The following CLMN variants were observed in gnomAD, a reference collection of about 807,000 sequenced individuals.
CLMN encodes the protein calmin.
CLMN carries 57 observed loss-of-function variants against 92.7 expected under a neutral mutation model. The observed-to-expected ratio is 0.61, with a 90% CI of 0.50 to 0.77. The LOEUF is 0.77. CLMN is among the 30% of genes least tolerant of loss of function. The probability of loss-of-function intolerance (pLI) is 0.00; values close to 1 mark genes in which losing one functional copy is unlikely to be tolerated. For synonymous variants in CLMN, 466 were observed against 470.6 expected (o/e 0.99, Z 0.13); for missense variants, 1,158 against 1,237.5 (o/e 0.94, Z 0.96).
chr14:95,304,599 C>T (rs1207004765), intron 1 of CLMN, among the ~76,000 whole-genome samples: 1 of 152,020 alleles, frequency 6.6e-6, no homozygotes, highest in Non-Finnish European at 1.5e-5. Flanking sequence ...AGTTTATTCT[C>T]TGAAGAGGTT....
intron 1 of CLMN, among the ~76,000 whole-genome samples, chr14:95,314,470 C>A (rs1901677374): frequency 6.6e-6 from 1 of 152,118 alleles, no homozygotes; most frequent in South Asian, 2.1e-4. Flanking sequence ...AGGTGGGCAC[C>A]TGCCCAGGCC....
In CLMN at chr14:95,315,665, C is replaced by G. The variant is rs375114970; in HGVS notation, c.82+4046G>C. 1.1e-3 allele frequency among the ~76,000 whole-genome samples: 161 copies of G among 152,340 alleles called. 1 individual carries two copies. The highest frequency in any genetic ancestry group is 1.9e-3 in the Non-Finnish European group (131 of 68,034). The stretch of plus-strand genomic sequence containing the variant: ...TCTGCACTGTGCAACCCAGAACCTA[C>G]GCAGTCAAGTTTCTGCTTGGCCTTC... On this transcript the variant is annotated intron_variant, in intron 1 of 12. Coordinates refer to ENST00000298912, the MANE Select transcript of CLMN (RefSeq NM_024734.4).
At chr14:95,236,642 C>T (rs528165941) in intron 1 of CLMN, among the ~76,000 whole-genome samples, 1 of 152,356 alleles carries the variant, frequency 6.6e-6, no homozygotes, top group Non-Finnish European at 1.5e-5. Flanking sequence ...ATTGGGGGGC[C>T]TGTGTGACTA....
chr14:95,317,280 G>A (rs537748385), intron 1 of CLMN, among the ~76,000 whole-genome samples: 141 of 152,250 alleles, frequency 9.3e-4, no homozygotes, highest in Middle Eastern at 6.8e-3. Context: ...TCAAGAGACT[G>A]ACCAAAGGAA....
intron 1 of CLMN, among the ~76,000 whole-genome samples, chr14:95,239,176 G>A (rs115721833): frequency 0.015 from 2,269 of 152,278 alleles, 65 homozygotes; most frequent in African/African-American, 0.049. Flanking sequence ...TGAAGCGCCC[G>A]GCTGAAATTG....
Position 95,182,000 on chromosome 14 carries a change from A to C in CLMN, c.*9564T>G, listed in dbSNP as rs1459545034. Reference sequence around the variant, plus strand: ...AGAATACACATGATTTTACAAGATCATTCATCATAGCACCAAGCCTAATAT... The same window carrying C: ...AGAATACACATGATTTTACAAGATCCTTCATCATAGCACCAAGCCTAATAT... On this transcript the variant is annotated 3_prime_UTR_variant, in exon 13 of 13. Transcript: ENST00000298912. 1 of 152,240 alleles carries C rather than the reference A, an allele frequency of 6.6e-6. No individual in the cohort carries two copies. Among genetic ancestry groups the C allele is most frequent in the Non-Finnish European group, 1.5e-5 (1 of 68,040 alleles). 9.4% of individuals were successfully genotyped at this position (152,240 alleles called of 1,614,324 possible). A position where few individuals can be genotyped will look rare whatever the true frequency, so the allele number is the denominator to read the frequency against.
chr14:95,200,970 G>A (rs1595559527), intron 9 of CLMN, among the ~76,000 whole-genome samples: 2 of 144,126 alleles, frequency 1.4e-5, no homozygotes, highest in African/African-American at 5.2e-5. Context: ...GCCTATGTTA[G>A]TGGTAAGTTA....
intron 1 of CLMN, among the ~76,000 whole-genome samples, chr14:95,285,712 G>A (rs1900315237): frequency 1.3e-5 from 2 of 152,154 alleles, no homozygotes; most frequent in Admixed American, 6.5e-5. Context: ...GAGATCACTG[G>A]GATATGTGGC....
chr14:95,263,518 T>C (rs1330758681), intron 1 of CLMN, among the ~76,000 whole-genome samples: 3 of 152,142 alleles, frequency 2.0e-5, no homozygotes, highest in Non-Finnish European at 4.4e-5. Flanking sequence ...CACATCCACC[T>C]AGCAAAAGGG....
chr14:95,221,349 C>T (rs1219501565), intron 4 of CLMN, among the ~76,000 whole-genome samples: 4 of 152,324 alleles, frequency 2.6e-5, no homozygotes, highest in South Asian at 2.1e-4. Flanking sequence ...GTTCTACACT[C>T]GGACATGCTC....
At chr14:95,200,342 C>A (rs1326311909) in intron 9 of CLMN, among the ~76,000 whole-genome samples, 1 of 152,198 alleles carries the variant, frequency 6.6e-6, no homozygotes, top group Non-Finnish European at 1.5e-5. Flanking sequence ...GCATTAGACA[C>A]CGAAGGCAGG....
intron 1 of CLMN, among the ~76,000 whole-genome samples, chr14:95,312,485 C>T (rs1901584175): frequency 6.6e-6 from 1 of 152,102 alleles, no homozygotes; most frequent in Non-Finnish European, 1.5e-5. Flanking sequence ...TGCCCTGGGT[C>T]TGGGTTCAGA....
intron 1 of CLMN, among the ~76,000 whole-genome samples, chr14:95,249,460 T>C (rs1490122256): frequency 6.6e-6 from 1 of 152,180 alleles, no homozygotes; most frequent in Non-Finnish European, 1.5e-5. Context: ...GTCATGTCTG[T>C]GTATTGGAAA....
intron 1 of CLMN, among the ~76,000 whole-genome samples, chr14:95,301,452 T>C (rs1393397270): frequency 6.6e-6 from 1 of 152,236 alleles, no homozygotes; most frequent in East Asian, 1.9e-4. Flanking sequence ...TAGAGGACCA[T>C]CCTGCTCCAA....
At chr14:95,293,925 C>T (rs1343900523) in intron 1 of CLMN, among the ~76,000 whole-genome samples, 1 of 152,220 alleles carries the variant, frequency 6.6e-6, no homozygotes, top group Admixed American at 6.5e-5. Context: ...CTCCCACTCC[C>T]TCCTCAGTCT....
chr14:95,211,541 A>ACTCTC (rs1897197208), intron 6 of CLMN, among the ~76,000 whole-genome samples: 3 of 152,154 alleles, frequency 2.0e-5, no homozygotes, highest in African/African-American at 7.2e-5. Flanking sequence ...AACTTTTTAA[A>ACTCTC]AGTAAAAGTG....
chr14:95,305,216 G>T (rs1432290923), intron 1 of CLMN, among the ~76,000 whole-genome samples: 2 of 152,164 alleles, frequency 1.3e-5, no homozygotes, highest in African/African-American at 4.8e-5. Context: ...CCATTGTACC[G>T]ATGAGGCCTT....
At chr14:95,220,326 A>C (rs1286670373) in intron 4 of CLMN, among the ~76,000 whole-genome samples, 1 of 151,482 alleles carries the variant, frequency 6.6e-6, no homozygotes, top group East Asian at 1.9e-4. Context: ...ATAGCTCCCC[A>C]CGACCGTGCC....
At chr14:95,229,382 C>T in intron 2 of CLMN, among the ~76,000 whole-genome samples, 1 of 152,074 alleles carries the variant, frequency 6.6e-6, no homozygotes, top group East Asian at 1.9e-4. Flanking sequence ...TGCTTGCAAA[C>T]AAAATGCAAC....
Sources: gnomAD v4.1 joint callset for allele counts (sites outside exome capture counted in the v4.1 genomes callset) on GRCh38, gnomAD v4.1.1 for gene constraint, MANE v1.5 for transcripts, NCBI Gene and HGNC (gene_info 2026-07-23, HGNC 2026-07-21) for gene names.